Variants in ZC3H4 observed in about 807,000 individuals in gnomAD.
ZC3H4 encodes zinc finger CCCH domain-containing protein 4.
A neutral mutation model predicts 108.3 loss-of-function variants in ZC3H4; 13 were observed. That is an observed-to-expected ratio of 0.12 (90% CI 0.08 to 0.19). The LOEUF is 0.19. Ranked by LOEUF, ZC3H4 falls within the 10% of genes least tolerant of loss-of-function variation. The pLI is 1.00. For synonymous variants in ZC3H4, 917 were observed against 749.6 expected (o/e 1.22, Z -3.65); for missense variants, 1,734 against 1,838.8 (o/e 0.94, Z 1.04).
Position 47,069,189 on chromosome 19 carries a change from C to A in ZC3H4, c.2301G>T (p.Arg767Ser). ...GVPDFLPSAQRALYLRIQQKQ... is the reference protein window; with the variant it reads ...GVPDFLPSAQSALYLRIQQKQ... ...TCTGCTGGATCCTCAGGTACAGGGC[C>A]CTCTGGGCTGAGGGCAGGAAGTCAG... is the stretch of plus-strand genomic sequence containing the variant. Residue 767 changes from arginine to serine, a missense_variant, in exon 14 of 15, where the codon AGG becomes AGT. This residue lies in a region of ZC3H4 where 540 missense variants were observed against 484.1 expected (regional missense o/e 1.12). Coordinates refer to ENST00000253048, the MANE Select transcript of ZC3H4 (RefSeq NM_015168.2). 1 of 1,611,184 alleles carries A rather than the reference C, an allele frequency of 6.2e-7. No individual in the cohort carries two copies.
chr19:47,071,428 C>A (rs1025628278), intron 13 of ZC3H4, among the ~76,000 whole-genome samples: 10 of 152,114 alleles, frequency 6.6e-5, no homozygotes, highest in African/African-American at 2.4e-4. Context: ...GAGAACTGCC[C>A]GGAAAGAGAT....
intron 6 of ZC3H4, among the ~76,000 whole-genome samples, 188 bp from the exon 7 acceptor site, chr19:47,085,602 G>A (rs964572832): frequency 1.3e-5 from 2 of 152,144 alleles, no homozygotes; most frequent in East Asian, 1.9e-4. Flanking sequence ...GTGAAGACCT[G>A]ACCCAATAGG....
chr19:47,078,846 G>C (rs1354230936), intron 11 of ZC3H4, among the ~76,000 whole-genome samples: 1 of 151,956 alleles, frequency 6.6e-6, no homozygotes, highest in Non-Finnish European at 1.5e-5. Flanking sequence ...GCGAAAGAGT[G>C]AAACTCCGTC....
chr19:47,101,254 C>CA, intron 2 of ZC3H4, among the ~76,000 whole-genome samples: 1 of 151,974 alleles, frequency 6.6e-6, no homozygotes, highest in Non-Finnish European at 1.5e-5. Flanking sequence ...AGGATCGATT[C>CA]AGCCAGGAGG....
At chr19:47,075,282 CTT>C (rs2057400168) in intron 11 of ZC3H4, among the ~76,000 whole-genome samples, 1 of 152,306 alleles carries the variant, frequency 6.6e-6, no homozygotes, top group Non-Finnish European at 1.5e-5. Flanking sequence ...GCATTCTGCC[CTT>C]TGAGCGTGGG....
At chr19:47,094,297 C>A in intron 3 of ZC3H4, 92 bp downstream of exon 3, 1 of 1,393,218 alleles carries the variant, frequency 7.2e-7, no homozygotes, top group South Asian at 1.2e-5. Flanking sequence ...ATTAAGAGTG[C>A]CCTCTGGGGT....
chr19:47,090,351 G>A (rs777898145), intron 4 of ZC3H4, among the ~76,000 whole-genome samples, 162 bp from the exon 5 acceptor site: 3 of 152,180 alleles, frequency 2.0e-5, no homozygotes, highest in Admixed American at 6.5e-5. Flanking sequence ...ACTGGTTCTC[G>A]TACCAGGGAG....
Position 47,066,385 on chromosome 19 carries a change from C to A in ZC3H4, c.3883G>T (p.Asp1295Tyr). The change falls in exon 15 of 15, where the codon GAC becomes TAC. Residue 1295 changes from aspartate to tyrosine, a missense_variant. Physicochemically the swap from Asp to Tyr is radical, Grantham distance 160. Around this residue, in one of 9 missense-constraint regions of ZC3H4, gnomAD observed 518 missense variants for 499.6 expected, o/e 1.04. Coordinates refer to ENST00000253048, the MANE Select transcript of ZC3H4 (RefSeq NM_015168.2). Reference sequence around the variant, plus strand: ...TGGCAAAAGGGGGAGGCCGTGGGGTCGAAGCCTTTAAAAACATCCTTCAGG... The same window carrying A: ...TGGCAAAAGGGGGAGGCCGTGGGGTAGAAGCCTTTAAAAACATCCTTCAGG... Reference protein sequence around the residue: ...ASLKDVFKGFDPTASPFCQ With the variant: ...ASLKDVFKGFYPTASPFCQ 6.4e-7 allele frequency: 1 copy of A among 1,565,206 alleles called. No individual in the cohort carries two copies. The highest frequency in any genetic ancestry group is 1.2e-5 in the South Asian group (1 of 82,974).
At chr19:47,099,473 G>GA (rs1275416256) in intron 2 of ZC3H4, among the ~76,000 whole-genome samples, 1 of 148,714 alleles carries the variant, frequency 6.7e-6, no homozygotes, top group African/African-American at 2.5e-5. Flanking sequence ...AAAAAAAAAA[G>GA]AAAAAAAGAA....
chr19:47,075,054 C>A (rs2057395790), intron 11 of ZC3H4, among the ~76,000 whole-genome samples: 3 of 152,132 alleles, frequency 2.0e-5, no homozygotes, highest in African/African-American at 7.2e-5. Flanking sequence ...AGAAACAGGA[C>A]CCCCTGGTGG....
At chr19:47,081,764 C>A in intron 10 of ZC3H4, 142 bp from the exon 11 acceptor site, 1 of 725,824 alleles carries the variant, frequency 1.4e-6, no homozygotes, top group Admixed American at 2.4e-5. Context: ...CTAAGGGCTG[C>A]TCAGTGGGTT....
intron 5 of ZC3H4, among the ~76,000 whole-genome samples, chr19:47,087,572 T>C (rs1228961556): frequency 6.6e-6 from 1 of 151,850 alleles, no homozygotes; most frequent in African/African-American, 2.4e-5. Flanking sequence ...TCATCCCTCA[T>C]CTCTACTAAA....
At chr19:47,111,361 C>T (rs1378496750) in intron 2 of ZC3H4, among the ~76,000 whole-genome samples, 1 of 152,210 alleles carries the variant, frequency 6.6e-6, no homozygotes, top group East Asian at 1.9e-4. Flanking sequence ...GTGGGGGGCC[C>T]GCGTTTCGGA....
intron 14 of ZC3H4, among the ~76,000 whole-genome samples, chr19:47,068,811 C>T (rs1245427404): frequency 2.6e-5 from 4 of 152,200 alleles, no homozygotes; most frequent in Non-Finnish European, 5.9e-5. Context: ...AGGGCACAGG[C>T]GGTCAATCCT....
Position 47,067,078 on chromosome 19 carries a change from A to G in ZC3H4, c.3190T>C (p.Ser1064Pro). 2 of 1,609,658 alleles carry G rather than the reference A, an allele frequency of 1.2e-6. No individual in the cohort carries two copies. The highest frequency in any genetic ancestry group is 1.1e-5 in the South Asian group (1 of 90,674). ...CGGGGGTCACTGGGTTTGTCGCTGG[A>G]ACCGGGGGCGGCCGAGGAGCCGGTG... is the stretch of plus-strand genomic sequence containing the variant. ...NATGSSAAPGSSDKPSDPRVR... is the reference protein window; with the variant it reads ...NATGSSAAPGPSDKPSDPRVR... Residue 1064 changes from serine to proline, a missense_variant, in exon 15 of 15, where the codon TCC (serine) becomes CCC (proline). Physicochemically the swap from Ser to Pro is moderately conservative, Grantham distance 74. Around this residue, in one of 9 missense-constraint regions of ZC3H4, gnomAD observed 518 missense variants for 499.6 expected, o/e 1.04. Transcript: ENST00000253048. The surrounding 1 kb of genome is among the most constrained non-coding windows in gnomAD (Gnocchi z 6.4).
rs550841652 is a variant in ZC3H4, at chr19:47,088,458, G to C, written c.715+1509C>G. 1.1e-4 allele frequency among the ~76,000 whole-genome samples: 17 copies of C among 151,836 alleles called. No individual in the cohort carries two copies. In the South Asian group the frequency reaches 2.7e-3, roughly 24 times the overall value. The stretch of plus-strand genomic sequence containing the variant: ...AGCTACTTGGGAGGCTGAGGCAGGA[G>C]AATCGCTTGACCTCTGGAGGCAGAG... On this transcript the variant is annotated intron_variant, in intron 5 of 14. Coordinates refer to ENST00000253048, the MANE Select transcript of ZC3H4 (RefSeq NM_015168.2).
In ZC3H4 at chr19:47,085,315, C is replaced by A. The variant is rs755516563; in HGVS notation, c.967+3G>T. 6.3e-7 allele frequency: 1 copy of A among 1,596,748 alleles called. No individual in the cohort carries two copies. The highest frequency in any genetic ancestry group is 1.1e-5 in the South Asian group (1 of 88,630). ...AGCGTGTCCTCTCCAGGCCCCTGCC[C>A]ACCTCGGCCTCGGCTGTCCTTGGAG... On this transcript the variant is annotated splice_donor_region_variant and intron_variant, in intron 7 of 14. Coordinates refer to ENST00000253048, the MANE Select transcript of ZC3H4 (RefSeq NM_015168.2).
rs527792309 is a variant in ZC3H4 at position 47,064,247 on chromosome 19, G to A, written c.*2109C>T. 1 of 152,728 alleles carries A rather than the reference G, an allele frequency of 6.5e-6. No individual in the cohort carries two copies. The highest frequency in any genetic ancestry group is 2.4e-5 in the African/African-American group (1 of 41,546). The allele number at this position is 152,728 out of a possible 1,614,324, so 9.5% of individuals were successfully genotyped here. On this transcript the variant is annotated 3_prime_UTR_variant, in exon 15 of 15. Coordinates refer to ENST00000253048, the MANE Select transcript of ZC3H4 (RefSeq NM_015168.2). ...ACAATTACTGGATTAAGAGACCACA[G>A]GAGAAAGGCAGGTGACGTTTCTGGA...
At chr19:47,082,633 A>C (rs934191441) in intron 9 of ZC3H4, among the ~76,000 whole-genome samples, 4 of 152,194 alleles carry the variant, frequency 2.6e-5, no homozygotes, top group African/African-American at 9.6e-5. Flanking sequence ...TTTAAAGAAA[A>C]GCCTTTTGTC....
Sources: allele counts gnomAD v4.1 joint callset (sites outside exome capture counted in the v4.1 genomes callset), GRCh38; gene constraint gnomAD v4.1.1; regional missense constraint gnomAD v4.1.1; non-coding constraint Gnocchi (gnomAD v3.1); transcripts MANE v1.5; gene names NCBI Gene and HGNC (gene_info 2026-07-23, HGNC 2026-07-21).